RNF185: variants seen among roughly 807,000 people sequenced by gnomAD.
RNF185 encodes the protein E3 ubiquitin-protein ligase RNF185.
A neutral mutation model predicts 24.9 loss-of-function variants in RNF185; 13 were observed. The ratio of observed to expected loss-of-function variants is 0.52; its 90% CI spans 0.34 to 0.83. The LOEUF (loss-of-function observed/expected upper bound fraction) is 0.83. Among genes scored for constraint, RNF185 ranks in the 40% least tolerant of loss-of-function variants. The pLI is 0.01. For synonymous variants in RNF185, 79 were observed against 90.3 expected (o/e 0.88, Z 0.71); for missense variants, 184 against 244.7 (o/e 0.75, Z 1.65).
At chr22:31,191,216 C>T (rs1313314506) in intron 2 of RNF185, among the ~76,000 whole-genome samples, 1 of 152,184 alleles carries the variant, frequency 6.6e-6, no homozygotes, top group Non-Finnish European at 1.5e-5. Flanking sequence ...CATTCACCTC[C>T]ACTTCTCCCC....
intron 1 of RNF185, among the ~76,000 whole-genome samples, chr22:31,175,111 G>GA (rs2047969327): frequency 6.7e-6 from 1 of 149,258 alleles, no homozygotes; most frequent in African/African-American, 2.5e-5. Context: ...ACGAAAATGT[G>GA]AAAAAGTAGG....
At chr22:31,185,371 T>C (rs1289117314) in intron 1 of RNF185, among the ~76,000 whole-genome samples, 1 of 152,210 alleles carries the variant, frequency 6.6e-6, no homozygotes, top group African/African-American at 2.4e-5. Context: ...CTGTAACTTT[T>C]TTGGTCCTTG....
At chr22:31,166,303 T>C (rs1176823433) in intron 1 of RNF185, among the ~76,000 whole-genome samples, 13 of 152,078 alleles carry the variant, frequency 8.5e-5, no homozygotes, top group Admixed American at 8.5e-4. Flanking sequence ...TGTGCTCATT[T>C]TAGACATTTT....
rs2048311344 is a variant in RNF185, at chr22:31,206,049, C to T, written c.*1463C>T. 6.5e-6 allele frequency: 1 copy of T among 154,796 alleles called. No individual in the cohort carries two copies. The highest frequency in any genetic ancestry group is 2.0e-4 in the South Asian group (1 of 4,924). 9.6% of individuals were successfully genotyped at this position (154,796 alleles called of 1,614,324 possible). A position where few individuals can be genotyped will look rare whatever the true frequency, so the allele number is the denominator to read the frequency against. On this transcript the variant is annotated 3_prime_UTR_variant, in exon 7 of 7. Coordinates refer to ENST00000326132, the MANE Select transcript of RNF185 (RefSeq NM_152267.4). The stretch of plus-strand genomic sequence containing the variant: ...GAGATGGGCTTTCCTCTGGGCCTCT[C>T]TCCTACTTTGCCATCCACACTGCTC...
In RNF185 at chr22:31,166,558, TTTC is replaced by T. The variant is rs3068173; in HGVS notation, c.-49+6277_-49+6279del. ...TTTTTGCCAGCCTCTTCTATAAGCA[TTTC>T]TTCTTCTTCTTCTTCTTCTTCCCCT... On this transcript the variant is annotated intron_variant, in intron 1 of 6. Transcript: ENST00000326132. Among the ~76,000 whole-genome samples, 628 of 147,576 alleles carry T rather than the reference TTTC, an allele frequency of 4.3e-3. 4 individuals are homozygous for T. Among genetic ancestry groups the T allele is most frequent in the African/African-American group, 0.012 (489 of 39,816 alleles).
intron 4 of RNF185, among the ~76,000 whole-genome samples, chr22:31,196,720 C>T (rs112484870): frequency 2.0e-5 from 3 of 152,190 alleles, no homozygotes; most frequent in Non-Finnish European, 4.4e-5. Flanking sequence ...TATCTCATAA[C>T]GAGTTGATTT....
At chr22:31,184,767 C>T (rs1307199308) in intron 1 of RNF185, among the ~76,000 whole-genome samples, 1 of 152,124 alleles carries the variant, frequency 6.6e-6, no homozygotes, top group Non-Finnish European at 1.5e-5. Context: ...ATATGAAAAC[C>T]AGTCAGGTGT....
At chr22:31,184,861 G>C (rs34900659) in intron 1 of RNF185, among the ~76,000 whole-genome samples, 4 of 151,386 alleles carry the variant, frequency 2.6e-5, no homozygotes, top group Non-Finnish European at 5.9e-5. Flanking sequence ...CCAAGATGGC[G>C]GCAGTACTGT....
At chr22:31,187,469 C>T (rs1042704351) in intron 2 of RNF185, among the ~76,000 whole-genome samples, 199 bp downstream of exon 2, 2 of 152,212 alleles carry the variant, frequency 1.3e-5, no homozygotes, top group Admixed American at 1.3e-4. Context: ...CCACTCTAAG[C>T]TCGTTCTCCC....
rs369438993 is a variant in RNF185 at position 31,205,190 on chromosome 22, T to C, written c.*604T>C. On this transcript the variant is annotated 3_prime_UTR_variant, in exon 7 of 7. Transcript: ENST00000326132. ...GCTAAAGCTGGGGTCACTTCGTGAA[T>C]TCACCAGAGACTCAAAGATCTTTTA... 5.8e-6 allele frequency: 1 copy of C among 171,716 alleles called. No homozygotes were observed. Among genetic ancestry groups the C allele is most frequent in the African/African-American group, 2.4e-5 (1 of 41,528 alleles). The allele number at this position is 171,716 out of a possible 1,614,324, so 10.6% of individuals were successfully genotyped here.
At chr22:31,190,303 T>G (rs1056091622) in intron 2 of RNF185, among the ~76,000 whole-genome samples, 6 of 152,288 alleles carry the variant, frequency 3.9e-5, no homozygotes, top group South Asian at 2.1e-4. Context: ...GTTTGTTGTT[T>G]TTTTGAGGAG....
At chr22:31,196,248 A>G (rs2048204399) in intron 4 of RNF185, among the ~76,000 whole-genome samples, 1 of 152,068 alleles carries the variant, frequency 6.6e-6, no homozygotes, top group Admixed American at 6.6e-5. Flanking sequence ...GAGCAGCCCT[A>G]AAGTTCCCTC....
At position 31,195,555 on chromosome 22, in the gene RNF185, G is replaced by A. The variant is rs1436567638; in HGVS notation, c.282G>A (p.Arg94=). The A allele has an allele frequency of 1.2e-5, 20 of 1,608,840 alleles. No homozygotes were observed. The South Asian group carries it at 2.1e-4, about 17-fold the overall frequency. ...ACAAGGTCATCCCCCTCTATGGAAG[G>A]GGCAGCACTGGGCAACAGGACCCCA... ...SRDKVIPLYG[R]GSTGQQDPRE... The change falls in exon 4 of 7, where the codon AGG becomes AGA. Residue 94 remains arginine (R), a synonymous_variant. Coordinates refer to ENST00000326132, the MANE Select transcript of RNF185 (RefSeq NM_152267.4).
chr22:31,166,678 C>T (rs550609898), intron 1 of RNF185, among the ~76,000 whole-genome samples: 3 of 150,592 alleles, frequency 2.0e-5, no homozygotes, highest in South Asian at 4.3e-4. Context: ...GAGACAGAGT[C>T]TGGCTCTGTT....
intron 2 of RNF185, among the ~76,000 whole-genome samples, chr22:31,189,629 C>T (rs1174229290): frequency 2.1e-5 from 3 of 141,650 alleles, no homozygotes; most frequent in African/African-American, 5.3e-5. Flanking sequence ...TTTTTAGAGA[C>T]GAAGTCTTGC....
Position 31,187,028 on chromosome 22 carries a change from A to G in RNF185, c.-48-19A>G, listed in dbSNP as rs148820521. ...AGAGGGCTGCAGAAATGGACAGTCAAGAGTTCTCTGCCTTTTAGGATTTCC... is the reference window on the plus strand; with the variant it reads ...AGAGGGCTGCAGAAATGGACAGTCAGGAGTTCTCTGCCTTTTAGGATTTCC... On this transcript the variant is annotated intron_variant, in intron 1 of 6. Transcript: ENST00000326132. The G allele has an allele frequency of 6.6e-4, 1,005 of 1,524,458 alleles. 9 individuals carry two copies. The highest frequency in any genetic ancestry group is 4.9e-3 in the African/African-American group (353 of 71,842). 94.4% of individuals were successfully genotyped at this position (1,524,458 alleles called of 1,614,324 possible). A position where few individuals can be genotyped will look rare whatever the true frequency, so the allele number is the denominator to read the frequency against.
At chr22:31,189,493 C>T (rs1469594757) in intron 2 of RNF185, among the ~76,000 whole-genome samples, 2 of 151,224 alleles carry the variant, frequency 1.3e-5, no homozygotes, top group Admixed American at 6.6e-5. Context: ...GATGGGGCTT[C>T]GCCATGCTGG....
At chr22:31,184,025 C>G (rs560541574) in intron 1 of RNF185, among the ~76,000 whole-genome samples, 13 of 150,382 alleles carry the variant, frequency 8.6e-5, no homozygotes, top group East Asian at 4.0e-4. Flanking sequence ...TGCCCCCCCC[C>G]ACCTCCCGGA....
At position 31,204,515 on chromosome 22, in the gene RNF185, G is replaced by A; in HGVS notation, c.508G>A (p.Asp170Asn). ...TGTCCCTGGGACACCCCAGTATGTG[G>A]ACGAGCAGTTCCTGTCACGCCTCTT... ...PAVPGTPQYV[D>N]EQFLSRLFLF... Residue 170 changes from aspartate (D) to asparagine (N), a missense_variant, in exon 7 of 7, where the codon GAC becomes AAC. Asp to Asn is a conservative substitution (Grantham distance 23). Coordinates refer to ENST00000326132, the MANE Select transcript of RNF185 (RefSeq NM_152267.4). The A allele has an allele frequency of 1.2e-6, 2 of 1,611,106 alleles. No individual in the cohort carries two copies. The highest frequency in any genetic ancestry group is 2.2e-5 in the East Asian group (1 of 44,872).
Sources: gnomAD v4.1 joint callset for allele counts (sites outside exome capture counted in the v4.1 genomes callset) on GRCh38, gnomAD v4.1.1 for gene constraint, MANE v1.5 for transcripts, NCBI Gene and HGNC (gene_info 2026-07-23, HGNC 2026-07-21) for gene names.